Variants in TTC3 observed in about 807,000 individuals in gnomAD.
The protein encoded by TTC3 is tetratricopeptide repeat domain 3, also known as E3 ubiquitin-protein ligase TTC3.
A neutral mutation model predicts 249.6 loss-of-function variants in TTC3; 180 were observed. The ratio of observed to expected loss-of-function variants is 0.72; its 90% CI spans 0.64 to 0.82. TTC3 has a LOEUF of 0.82. Ranked by LOEUF, TTC3 falls within the 40% of genes least tolerant of loss-of-function variation. TTC3 has a pLI of 0.00. For synonymous variants in TTC3, 717 were observed against 805.0 expected (o/e 0.89, Z 1.85); for missense variants, 2,061 against 2,398.4 (o/e 0.86, Z 2.94).
At chr21:37,171,753 G>A (rs985635488) in intron 34 of TTC3, among the ~76,000 whole-genome samples, 31 of 152,200 alleles carry the variant, frequency 2.0e-4, no homozygotes, top group African/African-American at 7.0e-4. Context: ...AAAAGGGCAT[G>A]TATGGTCAAT....
intron 10 of TTC3, among the ~76,000 whole-genome samples, chr21:37,099,820 A>G (rs1428234966): frequency 6.6e-6 from 1 of 152,226 alleles, no homozygotes; most frequent in African/African-American, 2.4e-5. Context: ...GTACCCAAGA[A>G]GATATGTACA....
chr21:37,160,978 T>TAGA, intron 30 of TTC3, 120 bp downstream of exon 30: 1 of 990,706 alleles, frequency 1.0e-6, no homozygotes. Flanking sequence ...AAAGACTTTC[T>TAGA]AGGACTTAAA....
intron 16 of TTC3, among the ~76,000 whole-genome samples, chr21:37,131,183 G>A (rs954118422): frequency 1.3e-5 from 2 of 152,074 alleles, no homozygotes; most frequent in Non-Finnish European, 2.9e-5. Context: ...TGCTAATGAG[G>A]TGACTCAAGG....
At chr21:37,175,774 T>A (rs1372970582) in intron 35 of TTC3, among the ~76,000 whole-genome samples, 1 of 151,650 alleles carries the variant, frequency 6.6e-6, no homozygotes, top group African/African-American at 2.4e-5. Context: ...TTTTTAAATT[T>A]TTTTTTTTAT....
At chr21:37,118,121 CTTT>C (rs10710372) in intron 11 of TTC3, among the ~76,000 whole-genome samples, 3 of 150,858 alleles carry the variant, frequency 2.0e-5, no homozygotes, top group African/African-American at 7.3e-5. Context: ...GGTTATTTTT[CTTT>C]TTTTTTTAAA....
At chr21:37,087,278 A>C (rs1336496502) in exon 2 of TTC3, 1 of 1,613,980 alleles carries the variant, frequency 6.2e-7, no homozygotes, top group Non-Finnish European at 8.5e-7. Context: ...TTGCTGAGGG[A>C]GATTTCACTG....
intron 11 of TTC3, among the ~76,000 whole-genome samples, chr21:37,115,021 G>A (rs1487843513): frequency 5.9e-5 from 9 of 151,920 alleles, no homozygotes; most frequent in African/African-American, 9.7e-5. Context: ...ATCACACACC[G>A]GGGCCTGTTG....
At chr21:37,142,170 A>G (rs944994585) in intron 20 of TTC3, among the ~76,000 whole-genome samples, 4 of 152,200 alleles carry the variant, frequency 2.6e-5, no homozygotes, top group African/African-American at 9.7e-5. Context: ...AACTGGAAGC[A>G]TTTCCTTTGA....
At chr21:37,156,885 G>A (rs2080143890) in exon 28 of TTC3, 3 of 1,613,738 alleles carry the variant, frequency 1.9e-6, no homozygotes, top group Non-Finnish European at 2.5e-6. Context: ...TAGTGCTTTA[G>A]ATGAATTCTT....
At chr21:37,080,897 T>A (rs2071548236) in intron 1 of TTC3, among the ~76,000 whole-genome samples, 1 of 152,116 alleles carries the variant, frequency 6.6e-6, no homozygotes, top group South Asian at 2.1e-4. Flanking sequence ...AACTTCTGTC[T>A]TTTAATTGGT....
At chr21:37,157,037 G>A in intron 28 of TTC3, 131 bp downstream of exon 28, 1 of 1,376,342 alleles carries the variant, frequency 7.3e-7, no homozygotes, top group Non-Finnish European at 9.9e-7. Flanking sequence ...AGTTTATGTG[G>A]GGAAGTTAGT....
At chr21:37,143,540 G>C (rs1272825974) in intron 20 of TTC3, among the ~76,000 whole-genome samples, 1 of 151,934 alleles carries the variant, frequency 6.6e-6, no homozygotes, top group Non-Finnish European at 1.5e-5. Flanking sequence ...AAACCACAAT[G>C]AGATACCGTC....
chr21:37,164,583 C>G lies in TTC3; in HGVS notation c.3335+368C>G, dbSNP rs1381998363. Among the ~76,000 whole-genome samples, 5 of 152,276 alleles carry G rather than the reference C, an allele frequency of 3.3e-5. No homozygotes were observed. The Middle Eastern group carries it at 0.01, about 311-fold the overall frequency. On this transcript the variant is annotated intron_variant, in intron 32 of 45. Transcript: ENST00000355666. Reference sequence around the variant, plus strand: ...CAACTCCTGGCCTCAAGTGATCTGCCTGCCTCAGCCTTCCAAAATGGTGAG... The same window carrying G: ...CAACTCCTGGCCTCAAGTGATCTGCGTGCCTCAGCCTTCCAAAATGGTGAG...
chr21:37,118,505 T>C (rs1465156671), intron 11 of TTC3, among the ~76,000 whole-genome samples: 1 of 152,186 alleles, frequency 6.6e-6, no homozygotes, highest in East Asian at 1.9e-4. Context: ...GGATACAAAC[T>C]AATAACCTCA....
chr21:37,160,535 T>G (rs1192481369), intron 29 of TTC3, among the ~76,000 whole-genome samples: 1 of 152,230 alleles, frequency 6.6e-6, no homozygotes, highest in Non-Finnish European at 1.5e-5. Context: ...TCTGATTAAT[T>G]ACTTGAAATA....
chr21:37,160,076 C>A (rs1433180420), intron 29 of TTC3, among the ~76,000 whole-genome samples: 1 of 152,190 alleles, frequency 6.6e-6, no homozygotes, highest in Non-Finnish European at 1.5e-5. Flanking sequence ...AACTAAACTT[C>A]TAATGTTCTG....
chr21:37,181,755 G>C (rs545148167), intron 35 of TTC3, among the ~76,000 whole-genome samples: 8 of 152,280 alleles, frequency 5.3e-5, no homozygotes, highest in African/African-American at 1.7e-4. Flanking sequence ...AGAGGGAGTA[G>C]TGGTCTCTTA....
chr21:37,130,512 C>G (rs1337045586), intron 16 of TTC3, among the ~76,000 whole-genome samples: 1 of 152,136 alleles, frequency 6.6e-6, no homozygotes, highest in Non-Finnish European at 1.5e-5. Flanking sequence ...ACGTAAAACA[C>G]TTAGAGCCCT....
rs71328551 is a variant in TTC3 at position 37,084,991 on chromosome 21, T to TCAAACAAACAAA, written c.-11-2246_-11-2235dup. 3.9e-3 allele frequency among the ~76,000 whole-genome samples: 595 copies of TCAAACAAACAAA among 151,472 alleles called. 2 individuals are homozygous for TCAAACAAACAAA. The highest frequency in any genetic ancestry group is 6.8e-3 in the Middle Eastern group (2 of 292). On this transcript the variant is annotated intron_variant, in intron 1 of 45. Coordinates refer to ENST00000355666, the Ensembl canonical transcript of TTC3. ...CTGGGCGACAGAGTGAGACTGTGTC[T>TCAAACAAACAAA]CAAACAAACAAACAAACAAACCAAA...
Sources: gnomAD v4.1 joint callset for allele counts (sites outside exome capture counted in the v4.1 genomes callset) on GRCh38, gnomAD v4.1.1 for gene constraint, MANE v1.5 for transcripts, NCBI Gene and HGNC (gene_info 2026-07-23, HGNC 2026-07-21) for gene names.